SLC8A1: variants seen among roughly 807,000 people sequenced by gnomAD.
The protein encoded by SLC8A1 is solute carrier family 8 member A1.
SLC8A1 carries 18 observed loss-of-function variants against 68.3 expected under a neutral mutation model. That is an observed-to-expected ratio of 0.26 (90% CI 0.18 to 0.39). The LOEUF (loss-of-function observed/expected upper bound fraction) is 0.39. SLC8A1 is among the 10% of genes least tolerant of loss of function. The probability of loss-of-function intolerance (pLI) is 1.00; values close to 1 mark genes in which losing one functional copy is unlikely to be tolerated. For synonymous variants in SLC8A1, 475 were observed against 415.5 expected (o/e 1.14, Z -1.74); for missense variants, 985 against 1,156.7 (o/e 0.85, Z 2.15).
At chr2:40,448,870 A>G (rs1328635308) in intron 1 of SLC8A1, among the ~76,000 whole-genome samples, 1 of 152,198 alleles carries the variant, frequency 6.6e-6, no homozygotes, top group African/African-American at 2.4e-5. Flanking sequence ...GAGTAGAGAG[A>G]TAATAGCATG....
chr2:40,340,136 G>C (rs1387859507), intron 2 of SLC8A1, among the ~76,000 whole-genome samples: 1 of 152,128 alleles, frequency 6.6e-6, no homozygotes, highest in Non-Finnish European at 1.5e-5. Flanking sequence ...AAGATATATT[G>C]CATGCTCTTT....
At chr2:40,130,133 C>A (rs1355617673) in intron 7 of SLC8A1, among the ~76,000 whole-genome samples, 3 of 152,206 alleles carry the variant, frequency 2.0e-5, no homozygotes, top group Admixed American at 6.5e-5. Context: ...AATAAAAAAA[C>A]TCTTCCTTTG....
At chr2:40,449,452 G>C (rs1702042015) in intron 1 of SLC8A1, among the ~76,000 whole-genome samples, 1 of 152,138 alleles carries the variant, frequency 6.6e-6, no homozygotes, top group African/African-American at 2.4e-5. Flanking sequence ...AGTTCTCTTG[G>C]AATATATTTT....
At chr2:40,449,865 C>T (rs1702107209) in intron 1 of SLC8A1, among the ~76,000 whole-genome samples, 1 of 152,096 alleles carries the variant, frequency 6.6e-6, no homozygotes. Context: ...CTTTTTGTTG[C>T]TGTTGTTTTT....
intron 2 of SLC8A1, among the ~76,000 whole-genome samples, chr2:40,282,885 T>A (rs2067729644): frequency 6.6e-6 from 1 of 152,168 alleles, no homozygotes; most frequent in Non-Finnish European, 1.5e-5. Flanking sequence ...CCAGTGAATC[T>A]TGAAGACCCT....
intron 1 of SLC8A1, among the ~76,000 whole-genome samples, chr2:40,441,339 T>C (rs1700439199): frequency 6.6e-6 from 1 of 151,368 alleles, no homozygotes; most frequent in Non-Finnish European, 1.5e-5. Flanking sequence ...GTGAAAGCAA[T>C]TTATAGATAC....
intron 2 of SLC8A1, among the ~76,000 whole-genome samples, chr2:40,298,627 A>C (rs908707779): frequency 6.6e-6 from 1 of 152,178 alleles, no homozygotes; most frequent in African/African-American, 2.4e-5. Flanking sequence ...CATTTAATCT[A>C]TTTTGAAAGA....
intron 1 of SLC8A1, among the ~76,000 whole-genome samples, chr2:40,450,062 A>G (rs1702153954): frequency 6.6e-6 from 1 of 152,136 alleles, no homozygotes; most frequent in Admixed American, 6.5e-5. Context: ...TCTTGATGAA[A>G]TAAGTTGGTC....
Position 40,155,388 on chromosome 2 carries a change from C to T in SLC8A1, c.2161+5377G>A, listed in dbSNP as rs184881833. Among the ~76,000 whole-genome samples, 77 of 152,294 alleles carry T rather than the reference C, an allele frequency of 5.1e-4. No individual in the cohort carries two copies. In the East Asian group the frequency reaches 0.012, roughly 24 times the overall value. ...TCGTGATCCACCTGCCTCGGCCTCC[C>T]AAAGTGCTGGGATTACAGGCATGAG... On this transcript the variant is annotated intron_variant, in intron 6 of 7. Coordinates refer to ENST00000406785, the Ensembl canonical transcript of SLC8A1.
intron 2 of SLC8A1, among the ~76,000 whole-genome samples, chr2:40,409,175 C>T (rs1474917080): frequency 6.6e-6 from 1 of 152,248 alleles, no homozygotes; most frequent in East Asian, 1.9e-4. Context: ...GCAATAGTCA[C>T]ATCGGTACAG....
chr2:40,230,818 A>C (rs2059556334), intron 2 of SLC8A1, among the ~76,000 whole-genome samples: 1 of 152,220 alleles, frequency 6.6e-6, no homozygotes, highest in Non-Finnish European at 1.5e-5. Context: ...CTCTACATTT[A>C]AAACAGCCAC....
intron 2 of SLC8A1, among the ~76,000 whole-genome samples, chr2:40,393,895 T>A (rs564371127): frequency 9.9e-5 from 15 of 152,270 alleles, no homozygotes; most frequent in African/African-American, 3.6e-4. Flanking sequence ...ACCCTTTTCA[T>A]GGCAATGGGT....
chr2:40,429,384 A>T (rs1697725900), exon 2 of SLC8A1: 1 of 1,613,786 alleles, frequency 6.2e-7, no homozygotes, highest in African/African-American at 1.3e-5. Flanking sequence ...AATTTTCAAC[A>T]TGAGAATTGA....
At chr2:40,098,826 G>A (rs2033724522) in exon 8 of SLC8A1, 2 of 151,934 alleles carry the variant, frequency 1.3e-5, no homozygotes, top group Admixed American at 1.3e-4. Context: ...GAATGTTAGG[G>A]TGTTTCTTAC....
chr2:40,409,331 G>C (rs1332809139), intron 2 of SLC8A1, among the ~76,000 whole-genome samples: 2 of 152,044 alleles, frequency 1.3e-5, no homozygotes, highest in African/African-American at 4.8e-5. Context: ...AATATAGTTG[G>C]AGTAAAGAGA....
intron 4 of SLC8A1, among the ~76,000 whole-genome samples, chr2:40,173,941 T>A (rs1296215771): frequency 6.6e-6 from 1 of 152,208 alleles, no homozygotes; most frequent in African/African-American, 2.4e-5. Flanking sequence ...GGAAATATCT[T>A]TGTTTTGTAC....
chr2:40,277,157 T>C (rs980628561), intron 2 of SLC8A1, among the ~76,000 whole-genome samples: 2 of 152,086 alleles, frequency 1.3e-5, no homozygotes, highest in African/African-American at 2.4e-5. Context: ...TAACACATAT[T>C]TACATGGTAT....
At chr2:40,332,187 T>G (rs897332175) in intron 2 of SLC8A1, among the ~76,000 whole-genome samples, 1 of 152,140 alleles carries the variant, frequency 6.6e-6, no homozygotes, top group Non-Finnish European at 1.5e-5. Context: ...ATTTTATTTC[T>G]AAACTTTGAA....
chr2:40,243,099 G>C (rs1186500627), intron 2 of SLC8A1, among the ~76,000 whole-genome samples: 1 of 152,136 alleles, frequency 6.6e-6, no homozygotes, highest in African/African-American at 2.4e-5. Flanking sequence ...TCATTTCATT[G>C]CCCTTAGTTT....
Sources: gnomAD v4.1 joint callset for allele counts (sites outside exome capture counted in the v4.1 genomes callset) on GRCh38, gnomAD v4.1.1 for gene constraint, MANE v1.5 for transcripts, NCBI Gene and HGNC (gene_info 2026-07-23, HGNC 2026-07-21) for gene names.